C2orf42: variants seen among roughly 807,000 people sequenced by gnomAD.
The protein encoded by C2orf42 is uncharacterized protein C2orf42.
Under a neutral mutation model 58.9 loss-of-function variants are expected in C2orf42, and 44 were observed. That is an observed-to-expected ratio of 0.75 (90% CI 0.59 to 0.96). The LOEUF (loss-of-function observed/expected upper bound fraction) is 0.96. Among genes scored for constraint, C2orf42 ranks in the 40% least tolerant of loss-of-function variants. C2orf42 has a pLI of 0.00. For missense variants in C2orf42, 630 were observed against 699.2 expected, an observed-to-expected ratio of 0.90 and a Z score of 1.12; for synonymous variants, 239 against 265.4, an observed-to-expected ratio of 0.90 and a Z score of 0.97.
intron 5 of C2orf42, among the ~76,000 whole-genome samples, chr2:70,172,233 A>AG (rs1446647115): frequency 1.3e-5 from 2 of 151,198 alleles, no homozygotes; most frequent in African/African-American, 4.9e-5. Context: ...CAAAAAAAAA[A>AG]AAAAAAAAAA....
chr2:70,166,550 C>T (rs1400398690), intron 6 of C2orf42, among the ~76,000 whole-genome samples: 3 of 150,732 alleles, frequency 2.0e-5, no homozygotes, highest in Non-Finnish European at 4.4e-5. Context: ...GTGGTGTGTG[C>T]CTGTAATTCC....
intron 6 of C2orf42, among the ~76,000 whole-genome samples, chr2:70,167,230 C>T (rs1313230599): frequency 1.3e-5 from 2 of 151,712 alleles, no homozygotes; most frequent in East Asian, 1.9e-4. Flanking sequence ...TGGTGGCATG[C>T]GCCTGTAGTC....
chr2:70,158,401 T>TA (rs1339774209), intron 9 of C2orf42, among the ~76,000 whole-genome samples: 1 of 151,962 alleles, frequency 6.6e-6, no homozygotes, highest in Non-Finnish European at 1.5e-5. Flanking sequence ...AACATTAATT[T>TA]AAAAAATTGC....
At chr2:70,186,912 A>G (rs904694452) in intron 1 of C2orf42, among the ~76,000 whole-genome samples, 1 of 144,182 alleles carries the variant, frequency 6.9e-6, no homozygotes, top group African/African-American at 2.5e-5. Context: ...ATGAGAACAC[A>G]TGGACACAGG....
Position 70,172,164 on chromosome 2 carries a change from C to T in C2orf42, c.1040-2503G>A, listed in dbSNP as rs556840313. Among the ~76,000 whole-genome samples the T allele has an allele frequency of 1.5e-3, 219 of 143,234 alleles. 1 individual carries two copies. Among genetic ancestry groups the T allele is most frequent in the Non-Finnish European group, 2.7e-3 (180 of 66,554 alleles). 94.0% of individuals were successfully genotyped at this position (143,234 alleles called of 152,430 possible). ...GCTTGAGCCCAGGAGGCGGAGGTTG[C>T]AGTGAGCTGAGATTGTGCCACTGTA... On this transcript the variant is annotated intron_variant, in intron 5 of 9. Coordinates refer to ENST00000264434, the MANE Select transcript of C2orf42 (RefSeq NM_017880.3).
At chr2:70,178,217 T>A (rs1409488049) in intron 4 of C2orf42, among the ~76,000 whole-genome samples, 1 of 152,228 alleles carries the variant, frequency 6.6e-6, no homozygotes, top group Non-Finnish European at 1.5e-5. Context: ...GTTTAGACTC[T>A]AGGTCTCTTG....
chr2:70,157,121 T>C (rs1352033859), intron 9 of C2orf42, among the ~76,000 whole-genome samples: 2 of 152,156 alleles, frequency 1.3e-5, no homozygotes, highest in African/African-American at 4.8e-5. Context: ...ATGACTCTTC[T>C]AGTCTTTGGC....
intron 5 of C2orf42, among the ~76,000 whole-genome samples, chr2:70,170,828 G>A (rs1185751313): frequency 6.6e-6 from 1 of 151,368 alleles, no homozygotes; most frequent in Non-Finnish European, 1.5e-5. Flanking sequence ...TATAATGACT[G>A]TTTTAGGCTG....
intron 4 of C2orf42, 52 bp from the exon 5 acceptor site, chr2:70,175,829 G>A (rs752117701): frequency 9.1e-7 from 1 of 1,094,140 alleles, no homozygotes; most frequent in Non-Finnish European, 1.4e-6. Flanking sequence ...AATATAAATT[G>A]ATTTGATGTT....
rs1326598279 is a variant in C2orf42, at chr2:70,181,829, A to G, written c.157T>C (p.Tyr53His). 6.2e-7 allele frequency: 1 copy of G among 1,614,158 alleles called. No individual in the cohort carries two copies. Among genetic ancestry groups the G allele is most frequent in the East Asian group, 2.2e-5 (1 of 44,880 alleles). Reference protein sequence around the residue: ...KNKTCGTIFRYGARKQPSVEA... With the variant: ...KNKTCGTIFRHGARKQPSVEA... The stretch of plus-strand genomic sequence containing the variant: ...ACACTAGGCTGCTTGCGTGCACCGT[A>G]GCGGAATATGGTTCCACATGTCTTG... The change falls in exon 3 of 10, where the codon TAC (tyrosine) becomes CAC (histidine). Residue 53 changes from tyrosine to histidine, a missense_variant. Transcript: ENST00000264434.
intron 8 of C2orf42, among the ~76,000 whole-genome samples, 159 bp from the exon 9 acceptor site, chr2:70,160,946 A>C (rs1371146312): frequency 3.3e-5 from 5 of 152,142 alleles, no homozygotes. Flanking sequence ...CTGTCAACAA[A>C]TCTGCCTTTT....
chr2:70,185,471 G>A (rs568144133), intron 1 of C2orf42, among the ~76,000 whole-genome samples: 55 of 152,110 alleles, frequency 3.6e-4, no homozygotes, highest in African/African-American at 1.3e-3. Context: ...AGCACTTTGG[G>A]AGGCTGAGGT....
intron 9 of C2orf42, among the ~76,000 whole-genome samples, chr2:70,154,108 A>T (rs1431706583): frequency 1.3e-5 from 2 of 151,676 alleles, no homozygotes; most frequent in Non-Finnish European, 2.9e-5. Flanking sequence ...GGAACTGTTT[A>T]GCATCCACAA....
chr2:70,158,822 C>T (rs1207540115), intron 9 of C2orf42, among the ~76,000 whole-genome samples: 2 of 151,552 alleles, frequency 1.3e-5, no homozygotes, highest in Non-Finnish European at 2.9e-5. Context: ...GAACTCCTGG[C>T]CTCAAGTAAT....
In C2orf42 at chr2:70,150,561, T is replaced by C; in HGVS notation, c.1520A>G (p.Asn507Ser). The change falls in exon 10 of 10, where the codon AAC (asparagine) becomes AGC (serine). Residue 507 changes from asparagine to serine, a missense_variant. Coordinates refer to ENST00000264434, the MANE Select transcript of C2orf42 (RefSeq NM_017880.3). ...LELKTFLKVG[N>S]TSPDQKEPTP... is the part of the protein sequence containing the mutation. ...TGGCTCCTTTTGATCTGGGGAAGTG[T>C]TGCCTAAAGAGAAGAAAGGAGTATT... 6.2e-7 allele frequency: 1 copy of C among 1,612,016 alleles called. No homozygotes were observed. Among genetic ancestry groups the C allele is most frequent in the Non-Finnish European group, 8.5e-7 (1 of 1,178,148 alleles).
chr2:70,174,656 A>G (rs922579990), intron 5 of C2orf42, among the ~76,000 whole-genome samples: 6 of 151,814 alleles, frequency 4.0e-5, no homozygotes, highest in African/African-American at 1.4e-4. Flanking sequence ...CTGCTGTTAC[A>G]ACCCTCCCAA....
chr2:70,166,290 G>A (rs985346282), intron 6 of C2orf42, among the ~76,000 whole-genome samples: 9 of 150,190 alleles, frequency 6.0e-5, no homozygotes, highest in African/African-American at 2.2e-4. Context: ...GGAGGTTGAG[G>A]CTGCAGTAAG....
intron 9 of C2orf42, among the ~76,000 whole-genome samples, chr2:70,153,365 CTT>C (rs1179352686): frequency 2.5e-4 from 33 of 131,886 alleles, no homozygotes; most frequent in South Asian, 5.0e-4. Flanking sequence ...CTGGACAGAT[CTT>C]TTTTTTTTTT....
At chr2:70,156,461 A>C (rs1672683568) in intron 9 of C2orf42, among the ~76,000 whole-genome samples, 1 of 152,032 alleles carries the variant, frequency 6.6e-6, no homozygotes. Flanking sequence ...TAGCCATTGC[A>C]CTCCAGCCTG....
Sources: allele counts gnomAD v4.1 joint callset (sites outside exome capture counted in the v4.1 genomes callset), GRCh38; gene constraint gnomAD v4.1.1; transcripts MANE v1.5; gene names NCBI Gene and HGNC (gene_info 2026-07-23, HGNC 2026-07-21).